Variants in NRP1 observed in about 807,000 individuals in gnomAD.
NRP1 encodes neuropilin 1, also known as neuropilin-1.
A neutral mutation model predicts 106.7 loss-of-function variants in NRP1; 35 were observed. The observed-to-expected ratio is 0.33, with a 90% CI of 0.25 to 0.43. The LOEUF (loss-of-function observed/expected upper bound fraction) is 0.43, where lower values mean the gene tolerates loss of function less well. NRP1 is among the 20% of genes least tolerant of loss of function. The probability of loss-of-function intolerance (pLI) is 1.00; values close to 1 mark genes in which losing one functional copy is unlikely to be tolerated. For synonymous variants in NRP1, 437 were observed against 417.9 expected (o/e 1.05, Z -0.56); for missense variants, 1,024 against 1,170.4 (o/e 0.87, Z 1.83).
intron 11 of NRP1, among the ~76,000 whole-genome samples, chr10:33,199,755 T>A (rs562167432): frequency 3.0e-4 from 45 of 152,202 alleles, no homozygotes; most frequent in African/African-American, 1.1e-3. Context: ...ATGCCTACCA[T>A]GGAAAGTTCT....
chr10:33,269,879 G>A (rs915202390), intron 3 of NRP1, among the ~76,000 whole-genome samples: 1 of 152,184 alleles, frequency 6.6e-6, no homozygotes, highest in Admixed American at 6.5e-5. Context: ...ATATGGGACC[G>A]TCTGGTTGCA....
chr10:33,228,801 G>C (rs1839883759), intron 6 of NRP1, among the ~76,000 whole-genome samples: 1 of 152,142 alleles, frequency 6.6e-6, no homozygotes. Context: ...GCTTTCACCA[G>C]ATTTAAGAGA....
At chr10:33,232,327 A>G (rs1365643271) in intron 6 of NRP1, among the ~76,000 whole-genome samples, 1 of 152,114 alleles carries the variant, frequency 6.6e-6, no homozygotes, top group African/African-American at 2.4e-5. Context: ...TGCTCTAATC[A>G]CCATTTTCTT....
intron 2 of NRP1, among the ~76,000 whole-genome samples, chr10:33,295,535 C>T (rs1483153182): frequency 1.3e-5 from 2 of 152,096 alleles, no homozygotes; most frequent in Admixed American, 6.6e-5. Context: ...GAGCCAGATC[C>T]TGTCTCTACA....
At chr10:33,255,522 A>G (rs1203439224) in intron 5 of NRP1, among the ~76,000 whole-genome samples, 1 of 152,162 alleles carries the variant, frequency 6.6e-6, no homozygotes, top group Non-Finnish European at 1.5e-5. Flanking sequence ...TGGCATGATT[A>G]TAGCTCACTG....
At chr10:33,265,997 C>T (rs1842893167) in intron 3 of NRP1, among the ~76,000 whole-genome samples, 2 of 152,026 alleles carry the variant, frequency 1.3e-5, no homozygotes. Flanking sequence ...AGTGTAGAAA[C>T]AGTTACCCTG....
chr10:33,305,346 A>ACCCAT (rs1195370317), intron 2 of NRP1, among the ~76,000 whole-genome samples: 7 of 152,192 alleles, frequency 4.6e-5, no homozygotes, highest in Non-Finnish European at 8.8e-5. Context: ...TATAATTTCT[A>ACCCAT]CCCATTGGTC....
At chr10:33,311,930 T>G (rs541516249) in intron 2 of NRP1, among the ~76,000 whole-genome samples, 1 of 151,918 alleles carries the variant, frequency 6.6e-6, no homozygotes, top group South Asian at 2.1e-4. Flanking sequence ...ATAATGGGAG[T>G]TGACAGTTCA....
chr10:33,191,903 A>T (rs1588692444), intron 13 of NRP1, among the ~76,000 whole-genome samples: 1 of 146,726 alleles, frequency 6.8e-6, no homozygotes, highest in East Asian at 2.2e-4. Context: ...GTGTGAAGCC[A>T]GGAGGCGGAG....
chr10:33,220,198 C>G lies in NRP1; in HGVS notation c.1282+1521G>C, dbSNP rs527832415. Among the ~76,000 whole-genome samples, 48 of 152,244 alleles carry G rather than the reference C, an allele frequency of 3.2e-4. 1 individual carries two copies. The South Asian group carries it at 9.9e-3, about 32-fold the overall frequency. Reference sequence around the variant, plus strand: ...TCTACTATAAACAAGTATAGTTTTTCCTGTTCATTAGCTCTTCTCAAAATT... The same window carrying G: ...TCTACTATAAACAAGTATAGTTTTTGCTGTTCATTAGCTCTTCTCAAAATT... On this transcript the variant is annotated intron_variant, in intron 8 of 16. Coordinates refer to ENST00000374867, the MANE Select transcript of NRP1 (RefSeq NM_003873.7).
intron 2 of NRP1, among the ~76,000 whole-genome samples, chr10:33,321,017 C>T (rs933113510): frequency 3.3e-5 from 5 of 152,172 alleles, no homozygotes; most frequent in South Asian, 2.1e-4. Flanking sequence ...GACAGAGTCT[C>T]GCTGTGATGT....
In NRP1 at chr10:33,270,773, G is replaced by A. The variant is rs377601784; in HGVS notation, c.332C>T (p.Pro111Leu). The stretch of plus-strand genomic sequence containing the variant: ...AAGAAATGGCCCTGAAGACACAACA[G>A]GAGGAGGGGCTATCTTTCCACAGAA... ...GKFCGKIAPP[P>L]VVSSGPFLFI... Residue 111 changes from proline (P) to leucine (L), a missense_variant, in exon 3 of 17, where the codon CCT becomes CTT. Pro to Leu is a moderately conservative substitution (Grantham distance 98). Around this residue, in one of 5 missense-constraint regions of NRP1, gnomAD observed 279 missense variants for 327.4 expected, o/e 0.85. Coordinates refer to ENST00000374867, the MANE Select transcript of NRP1 (RefSeq NM_003873.7). 6.2e-7 allele frequency: 1 copy of A among 1,613,914 alleles called. No individual in the cohort carries two copies. Among genetic ancestry groups the A allele is most frequent in the Non-Finnish European group, 8.5e-7 (1 of 1,179,892 alleles).
At chr10:33,304,495 C>A (rs932381966) in intron 2 of NRP1, among the ~76,000 whole-genome samples, 2 of 152,156 alleles carry the variant, frequency 1.3e-5, no homozygotes, top group Non-Finnish European at 2.9e-5. Context: ...TTACTTATTA[C>A]CAATTATGAC....
At chr10:33,270,998 A>AG (rs1282103070) in intron 2 of NRP1, 142 bp from the exon 3 acceptor site, 2 of 610,616 alleles carry the variant, frequency 3.3e-6, no homozygotes, top group East Asian at 2.9e-5. Context: ...CATTAAATGG[A>AG]GGGAAAAAAA....
Position 33,207,662 on chromosome 10 carries a change from G to A in NRP1, c.1669C>T (p.Leu557Phe), listed in dbSNP as rs190763052. The change falls in exon 10 of 17, where the codon CTC becomes TTC. Residue 557 changes from leucine (L) to phenylalanine (F), a missense_variant. Coordinates refer to ENST00000374867, the MANE Select transcript of NRP1 (RefSeq NM_003873.7). The stretch of plus-strand genomic sequence containing the variant: ...TAGATCCTGATGAATCGCGTGGAGA[G>A]AGCTGGAAAAGTCCGCAGCTCAGGT... ...DTPELRTFPA[L>F]STRFIRIYPE... 1 of 1,614,084 alleles carries A rather than the reference G, an allele frequency of 6.2e-7. No homozygotes were observed. The highest frequency in any genetic ancestry group is 8.5e-7 in the Non-Finnish European group (1 of 1,180,022).
At chr10:33,329,450 C>T (rs1848119720) in intron 2 of NRP1, among the ~76,000 whole-genome samples, 1 of 152,192 alleles carries the variant, frequency 6.6e-6, no homozygotes, top group Admixed American at 6.5e-5. Flanking sequence ...TTGTCGAGCA[C>T]TTCCTACAGG....
chr10:33,249,690 C>A, intron 6 of NRP1: 1 of 351,070 alleles, frequency 2.8e-6, no homozygotes, highest in Non-Finnish European at 5.5e-6. Context: ...ATTAACTCTG[C>A]CACTGACAAT....
rs61760416 is a variant in NRP1, at chr10:33,221,913, A to C, written c.1138-50T>G. The C allele has an allele frequency of 6.8e-3, 10,716 of 1,572,086 alleles. 535 individuals are homozygous for C. In the African/African-American group the frequency reaches 0.11, roughly 17 times the overall value. On this transcript the variant is annotated intron_variant, in intron 7 of 16. Transcript: ENST00000374867. Reference sequence around the variant, plus strand: ...TCTTTAGCAGAGGTTTTGGATTTAAATCCATAAATGTGTTTTCACAAATGG... The same window carrying C: ...TCTTTAGCAGAGGTTTTGGATTTAACTCCATAAATGTGTTTTCACAAATGG...
In NRP1 at chr10:33,334,393, C is replaced by G; in HGVS notation, c.-11G>C. On this transcript the variant is annotated 5_prime_UTR_variant, in exon 1 of 17. Coordinates refer to ENST00000374867, the MANE Select transcript of NRP1 (RefSeq NM_003873.7). ...CAGCCCCCTCTCCATTCTCCCTTCT[C>G]CGGGTCCGCAGGCAGACGCGGGAGA... The G allele has an allele frequency of 1.3e-6, 2 of 1,544,142 alleles. No individual in the cohort carries two copies. The highest frequency in any genetic ancestry group is 1.7e-6 in the Non-Finnish European group (2 of 1,146,846).
Sources: gnomAD v4.1 joint callset for allele counts (sites outside exome capture counted in the v4.1 genomes callset) on GRCh38, gnomAD v4.1.1 for gene constraint, gnomAD v4.1.1 regional missense constraint, MANE v1.5 for transcripts, NCBI Gene and HGNC (gene_info 2026-07-23, HGNC 2026-07-21) for gene names.